CDH13: variants seen among roughly 807,000 people sequenced by gnomAD.
CDH13 encodes the protein cadherin-13.
In CDH13, 24 loss-of-function variants were observed where a neutral mutation model predicts 63.8. That is an observed-to-expected ratio of 0.38 (90% CI 0.27 to 0.53). CDH13 has a LOEUF of 0.53. CDH13 is among the 20% of genes least tolerant of loss of function. CDH13 has a pLI of 0.85. For synonymous variants in CDH13, 503 were observed against 355.3 expected, an observed-to-expected ratio of 1.42 and a Z score of -4.67; for missense variants, 1,049 against 903.1, an observed-to-expected ratio of 1.16 and a Z score of -2.07.
intron 10 of CDH13, among the ~76,000 whole-genome samples, chr16:83,700,706 A>G (rs944892146): frequency 2.0e-5 from 3 of 152,240 alleles, no homozygotes; most frequent in South Asian, 2.1e-4. Flanking sequence ...ATTAACAAAC[A>G]TGGAGCAGCA....
chr16:83,560,898 G>GCC (rs1555573391), intron 7 of CDH13, among the ~76,000 whole-genome samples: 25 of 100,154 alleles, frequency 2.5e-4, no homozygotes, highest in East Asian at 1.9e-3. Flanking sequence ...CCATAAGGTT[G>GCC]GCCCCCCCCC....
chr16:83,343,642 C>T (rs2090776181), intron 5 of CDH13, among the ~76,000 whole-genome samples: 1 of 152,134 alleles, frequency 6.6e-6, no homozygotes, highest in Non-Finnish European at 1.5e-5. Flanking sequence ...CTAATTTGGG[C>T]TCTTTTTTGA....
intron 2 of CDH13, chr16:82,953,404 C>T (rs570822933): frequency 1.3e-5 from 2 of 152,136 alleles, no homozygotes; most frequent in African/African-American, 4.8e-5. Flanking sequence ...TTAGGAGACC[C>T]TGATGGTGGC....
At chr16:83,475,950 G>A (rs1485447639) in intron 6 of CDH13, among the ~76,000 whole-genome samples, 2 of 152,072 alleles carry the variant, frequency 1.3e-5, no homozygotes, top group Non-Finnish European at 2.9e-5. Context: ...AAATGATAGC[G>A]ACAATAAGCC....
At chr16:83,265,344 C>G (rs967728725) in intron 5 of CDH13, among the ~76,000 whole-genome samples, 2 of 152,086 alleles carry the variant, frequency 1.3e-5, no homozygotes, top group African/African-American at 2.4e-5. Context: ...ATTTCGCATG[C>G]CTGAAAATCC....
chr16:83,637,216 TA>T (rs931795083), intron 8 of CDH13, among the ~76,000 whole-genome samples: 23 of 151,848 alleles, frequency 1.5e-4, no homozygotes, highest in African/African-American at 5.6e-4. Flanking sequence ...AACATTAAAA[TA>T]TCAAAAACGT....
intron 1 of CDH13, among the ~76,000 whole-genome samples, chr16:82,634,224 GA>G (rs1209094397): frequency 6.6e-6 from 1 of 152,250 alleles, no homozygotes; most frequent in Non-Finnish European, 1.5e-5. Context: ...GGAATGGAAG[GA>G]AGGAATGTGG....
At chr16:83,407,205 C>T (rs1465117666) in intron 6 of CDH13, among the ~76,000 whole-genome samples, 1 of 152,224 alleles carries the variant, frequency 6.6e-6, no homozygotes, top group Non-Finnish European at 1.5e-5. Flanking sequence ...ACTCATTCAG[C>T]ACATGCTATT....
At chr16:83,313,643 T>TAA (rs59109363) in intron 5 of CDH13, among the ~76,000 whole-genome samples, 1,155 of 89,788 alleles carry the variant, frequency 0.013, 10 homozygotes, top group Non-Finnish European at 0.016. Context: ...CTTACCATTG[T>TAA]AAAAAAAAAA....
intron 3 of CDH13, among the ~76,000 whole-genome samples, chr16:83,098,447 C>T (rs2034311059): frequency 6.6e-6 from 1 of 152,120 alleles, no homozygotes; most frequent in Non-Finnish European, 1.5e-5. Flanking sequence ...TTTCTGTGCT[C>T]TTCATTCCTT....
chr16:83,205,937 A>T (rs1331790604), intron 4 of CDH13, among the ~76,000 whole-genome samples: 1 of 152,100 alleles, frequency 6.6e-6, no homozygotes, highest in Non-Finnish European at 1.5e-5. Flanking sequence ...CATGAGAGAG[A>T]AACTGACCAT....
intron 7 of CDH13, among the ~76,000 whole-genome samples, chr16:83,532,121 A>G (rs1481385112): frequency 6.6e-6 from 1 of 152,134 alleles, no homozygotes; most frequent in South Asian, 2.1e-4. Flanking sequence ...GTCTGCTGCC[A>G]TGTGAGATGT....
chr16:82,863,086 G>C (rs769373045), intron 2 of CDH13, among the ~76,000 whole-genome samples: 1 of 152,142 alleles, frequency 6.6e-6, no homozygotes, highest in Non-Finnish European at 1.5e-5. Flanking sequence ...GAACACATGG[G>C]TATCGATGCA....
At chr16:82,833,087 C>A (rs2038615518) in intron 1 of CDH13, among the ~76,000 whole-genome samples, 1 of 152,126 alleles carries the variant, frequency 6.6e-6, no homozygotes, top group Non-Finnish European at 1.5e-5. Flanking sequence ...GGTAACATTC[C>A]CAGATGGCAG....
chr16:83,319,232 T>A (rs1432637179), intron 5 of CDH13, among the ~76,000 whole-genome samples: 3 of 152,182 alleles, frequency 2.0e-5, no homozygotes, highest in Non-Finnish European at 2.9e-5. Flanking sequence ...ATGTAATAAT[T>A]TCTGTTGTCT....
At chr16:82,850,687 C>A (rs10871437) in intron 1 of CDH13, among the ~76,000 whole-genome samples, 34,757 of 152,098 alleles carry the variant, frequency 0.23, 4,706 homozygotes, top group Non-Finnish European at 0.31. Flanking sequence ...GATAGATTGG[C>A]AAACCTCGTT....
At chr16:83,001,513 G>C (rs1200691161) in intron 2 of CDH13, among the ~76,000 whole-genome samples, 2 of 152,226 alleles carry the variant, frequency 1.3e-5, no homozygotes, top group African/African-American at 4.8e-5. Flanking sequence ...ACCGTGTCCA[G>C]GGCCTCAGCC....
intron 6 of CDH13, among the ~76,000 whole-genome samples, chr16:83,394,629 A>C (rs1023762963): frequency 6.6e-6 from 1 of 152,230 alleles, no homozygotes; most frequent in African/African-American, 2.4e-5. Context: ...GAAGCGTGAC[A>C]TGACCTGACT....
At chr16:83,166,434 C>G (rs922226437) in intron 4 of CDH13, among the ~76,000 whole-genome samples, 1 of 152,076 alleles carries the variant, frequency 6.6e-6, no homozygotes, top group African/African-American at 2.4e-5. Flanking sequence ...CCAAAGCCAT[C>G]CAAGGTTGCG....
Sources: gnomAD v4.1 joint callset for allele counts (sites outside exome capture counted in the v4.1 genomes callset) on GRCh38, gnomAD v4.1.1 for gene constraint, MANE v1.5 for transcripts, NCBI Gene and HGNC (gene_info 2026-07-23, HGNC 2026-07-21) for gene names.